The following SLC24A2 variants were observed in gnomAD, a reference collection of about 807,000 sequenced individuals.
SLC24A2 encodes solute carrier family 24 member 2.
SLC24A2 carries 36 observed loss-of-function variants against 62.0 expected under a neutral mutation model. The ratio of observed to expected loss-of-function variants is 0.58; its 90% CI spans 0.44 to 0.77. The LOEUF is 0.77. Ranked by LOEUF, SLC24A2 falls within the 30% of genes least tolerant of loss-of-function variation. The probability of loss-of-function intolerance (pLI) is 0.00; values close to 1 mark genes in which losing one functional copy is unlikely to be tolerated. For missense variants in SLC24A2, 846 were observed against 817.9 expected, an observed-to-expected ratio of 1.03 and a Z score of -0.42; for synonymous variants, 358 against 294.0, an observed-to-expected ratio of 1.22 and a Z score of -2.23.
At chr9:19,976,525 T>G in the SLC24A2 span, among the ~76,000 whole-genome samples, 24 of 152,236 alleles carry the variant, frequency 1.6e-4, no homozygotes, top group Non-Finnish European at 2.8e-4. Flanking sequence ...GGCCTCCCAG[T>G]CATGTTTCCT....
chr9:20,047,780 C>T, the SLC24A2 span, among the ~76,000 whole-genome samples: 1 of 151,602 alleles, frequency 6.6e-6, no homozygotes, highest in East Asian at 2.0e-4. Flanking sequence ...CAAAGCCCCA[C>T]CTCCTAATAC....
rs1209460607 is a variant in SLC24A2, at chr9:19,517,951, ACACACACT to A, written c.1737-1557_1737-1550del. The stretch of plus-strand genomic sequence containing the variant: ...CACACACACACACACACACACACAC[ACACACACT>A]CTCACACTTCTAGTGAAGTTGAGTT... On this transcript the variant is annotated intron_variant, in intron 10 of 10. Coordinates refer to ENST00000341998, the MANE Select transcript of SLC24A2 (RefSeq NM_020344.4). Among the ~76,000 whole-genome samples, 271 of 147,282 alleles carry A rather than the reference ACACACACT, an allele frequency of 1.8e-3. 1 individual carries two copies. Among genetic ancestry groups the A allele is most frequent in the African/African-American group, 4.9e-3 (191 of 39,202 alleles).
chr9:19,618,449 G>C (rs1817824416), intron 4 of SLC24A2, among the ~76,000 whole-genome samples: 2 of 152,152 alleles, frequency 1.3e-5, no homozygotes, highest in African/African-American at 4.8e-5. Context: ...ACTCTCTGTG[G>C]TATAACAGGA....
chr9:19,805,957 A>G, the SLC24A2 span, among the ~76,000 whole-genome samples: 2 of 152,084 alleles, frequency 1.3e-5, no homozygotes, highest in Non-Finnish European at 2.9e-5. Context: ...TGCTTGTTGA[A>G]TGAATGAATA....
the SLC24A2 span, among the ~76,000 whole-genome samples, chr9:20,247,535 A>C: frequency 6.6e-6 from 1 of 152,292 alleles, no homozygotes; most frequent in East Asian, 1.9e-4. Flanking sequence ...TCCAACATGT[A>C]AGATTAAAGT....
chr9:20,091,143 A>G, the SLC24A2 span, among the ~76,000 whole-genome samples: 2 of 152,140 alleles, frequency 1.3e-5, no homozygotes, highest in African/African-American at 4.8e-5. Context: ...GACAGAAAAA[A>G]AAAGAAAAAG....
At chr9:19,527,944 C>G (rs1026124264) in intron 9 of SLC24A2, 105 bp downstream of exon 9, 1 of 753,992 alleles carries the variant, frequency 1.3e-6, no homozygotes, top group Non-Finnish European at 2.3e-6. Context: ...TGTGTCACAC[C>G]CAATACTGTT....
At chr9:19,988,125 T>C in the SLC24A2 span, among the ~76,000 whole-genome samples, 14 of 152,168 alleles carry the variant, frequency 9.2e-5, no homozygotes, top group Admixed American at 2.6e-4. Context: ...CATAGGAATT[T>C]AGGGTTTTTT....
the SLC24A2 span, among the ~76,000 whole-genome samples, chr9:20,096,102 TCC>T: frequency 4.8e-4 from 67 of 138,150 alleles, no homozygotes; most frequent in African/African-American, 1.6e-3. Flanking sequence ...CGTCCGTCCG[TCC>T]GTCCGTCCGT....
the SLC24A2 span, among the ~76,000 whole-genome samples, chr9:19,857,860 T>C: frequency 6.6e-6 from 1 of 152,086 alleles, no homozygotes; most frequent in African/African-American, 2.4e-5. Context: ...GTCTGGGTAC[T>C]GTTGCTATAT....
At chr9:19,590,929 C>T (rs1341706251) in intron 5 of SLC24A2, among the ~76,000 whole-genome samples, 1 of 152,186 alleles carries the variant, frequency 6.6e-6, no homozygotes. Context: ...CTGGTCAATT[C>T]ATTGATGCGG....
chr9:20,004,446 A>C, the SLC24A2 span, among the ~76,000 whole-genome samples: 1 of 152,206 alleles, frequency 6.6e-6, no homozygotes, highest in Admixed American at 6.5e-5. Flanking sequence ...AAGAGGAAAA[A>C]GTATAGTCCT....
chr9:20,161,049 G>T, the SLC24A2 span, among the ~76,000 whole-genome samples: 79 of 151,340 alleles, frequency 5.2e-4, 1 homozygote, highest in Admixed American at 1.9e-3. Flanking sequence ...TGACTTGGAG[G>T]AATTACCTCT....
At chr9:20,224,875 C>A in the SLC24A2 span, among the ~76,000 whole-genome samples, 1 of 152,102 alleles carries the variant, frequency 6.6e-6, no homozygotes, top group Non-Finnish European at 1.5e-5. Context: ...ACAGCTTGCC[C>A]TTGGCTGATG....
At chr9:20,268,409 C>A in the SLC24A2 span, among the ~76,000 whole-genome samples, 25 of 152,204 alleles carry the variant, frequency 1.6e-4, no homozygotes, top group African/African-American at 6.0e-4. Flanking sequence ...TGGGCTCTGT[C>A]CTTGTGAATG....
At chr9:19,803,129 T>C in the SLC24A2 span, among the ~76,000 whole-genome samples, 1 of 152,224 alleles carries the variant, frequency 6.6e-6, no homozygotes, top group African/African-American at 2.4e-5. Context: ...TTTATGGTAT[T>C]TTTGTTATAG....
At chr9:19,920,578 G>A in the SLC24A2 span, among the ~76,000 whole-genome samples, 7 of 152,170 alleles carry the variant, frequency 4.6e-5, no homozygotes, top group South Asian at 1.0e-3. Flanking sequence ...TGGGCTACCT[G>A]CTGGGAACCT....
the SLC24A2 span, among the ~76,000 whole-genome samples, chr9:20,116,728 A>C: frequency 6.6e-6 from 1 of 152,226 alleles, no homozygotes; most frequent in Non-Finnish European, 1.5e-5. Context: ...GAATGGATGC[A>C]TAAAGAAATG....
chr9:19,980,322 C>A, the SLC24A2 span, among the ~76,000 whole-genome samples: 1 of 152,202 alleles, frequency 6.6e-6, no homozygotes, highest in Admixed American at 6.6e-5. Flanking sequence ...CTTGAAGAAG[C>A]AAGCAGGGCA....
Sources: allele counts gnomAD v4.1 joint callset (sites outside exome capture counted in the v4.1 genomes callset), GRCh38; gene constraint gnomAD v4.1.1; transcripts MANE v1.5; gene names NCBI Gene and HGNC (gene_info 2026-07-23, HGNC 2026-07-21).